The following ARMC9 variants were observed in gnomAD, a reference collection of about 807,000 sequenced individuals.
ARMC9 encodes the protein armadillo repeat containing 9.
A neutral mutation model predicts 107.0 loss-of-function variants in ARMC9; 94 were observed. That is an observed-to-expected ratio of 0.88 (90% CI 0.74 to 1.04). The LOEUF is 1.04. Among genes scored for constraint, ARMC9 ranks in the 50% least tolerant of loss-of-function variants. ARMC9 has a pLI of 0.00. For synonymous variants in ARMC9, 380 were observed against 396.9 expected, an observed-to-expected ratio of 0.96 and a Z score of 0.51; for missense variants, 942 against 1,030.1, an observed-to-expected ratio of 0.91 and a Z score of 1.17.
chr2:231,284,284 A>G (rs984317120), intron 17 of ARMC9, among the ~76,000 whole-genome samples: 33 of 152,178 alleles, frequency 2.2e-4, no homozygotes, highest in African/African-American at 7.7e-4. Flanking sequence ...TACACCATCT[A>G]GGTTTGTCAC....
At chr2:231,235,103 T>C (rs967713116) in intron 7 of ARMC9, 121 bp from the exon 8 acceptor site, 1 of 1,056,504 alleles carries the variant, frequency 9.5e-7, no homozygotes, top group African/African-American at 1.6e-5. Context: ...ACAAGTAGTG[T>C]CCAGTTTATT....
intron 9 of ARMC9, among the ~76,000 whole-genome samples, chr2:231,249,553 C>T (rs1322505226): frequency 1.3e-5 from 2 of 151,950 alleles, no homozygotes; most frequent in Non-Finnish European, 2.9e-5. Flanking sequence ...GGAGGCAGGC[C>T]CCAGGTCTTC....
chr2:231,264,716 C>T (rs1559372200), intron 12 of ARMC9, among the ~76,000 whole-genome samples: 1 of 151,760 alleles, frequency 6.6e-6, no homozygotes, highest in Non-Finnish European at 1.5e-5. Context: ...AGGCTGGTCT[C>T]GAACTCCTGA....
Position 231,362,517 on chromosome 2 carries a change from G to A in ARMC9, c.2261+1634G>A, listed in dbSNP as rs76871276. 0.035 allele frequency among the ~76,000 whole-genome samples: 5,272 copies of A among 151,848 alleles called. 115 individuals are homozygous for A. Among genetic ancestry groups the A allele is most frequent in the Non-Finnish European group, 0.047 (3,160 of 67,928 alleles). On this transcript the variant is annotated intron_variant, in intron 23 of 24. Transcript: ENST00000611582. The surrounding 1 kb of genome is among the most constrained non-coding windows in gnomAD (Gnocchi z 4.7). ...TACATCAAGCAGCGTTGCCTAGCTGGCCCCCCAAGATTCTACTGAGCACAA... is the reference window on the plus strand; with the variant it reads ...TACATCAAGCAGCGTTGCCTAGCTGACCCCCCAAGATTCTACTGAGCACAA...
intron 3 of ARMC9, 60 bp from the exon 4 acceptor site, chr2:231,214,771 G>A (rs2033307741): frequency 2.6e-6 from 4 of 1,547,636 alleles, no homozygotes; most frequent in South Asian, 1.2e-5. Context: ...TGAGTGGGTT[G>A]TGAGAATTTT....
intron 3 of ARMC9, among the ~76,000 whole-genome samples, chr2:231,211,748 C>T (rs182585360): frequency 6.6e-6 from 1 of 152,264 alleles, no homozygotes; most frequent in East Asian, 1.9e-4. Flanking sequence ...TTCTCTACAT[C>T]CTTGCCAATG....
Position 231,206,258 on chromosome 2 carries a change from A to C in ARMC9, c.20A>C (p.His7Pro). ...TTCAATATGGGGGACATTCTGGCTC[A>C]TGAATCTGAATTACTTGGACTAGTG... MGDILA[H>P]ESELLGLVKE... is the part of the protein sequence containing the mutation. Residue 7 changes from histidine to proline, a missense_variant, in exon 2 of 25, where the codon CAT becomes CCT. By Grantham distance (77) the His-to-Pro change is moderately conservative. Transcript: ENST00000611582. 1.2e-6 allele frequency: 2 copies of C among 1,613,880 alleles called. No homozygotes were observed. Among genetic ancestry groups the C allele is most frequent in the South Asian group, 2.2e-5 (2 of 91,080 alleles).
rs75739705 is a variant in ARMC9 at position 231,321,947 on chromosome 2, T to A, written c.1774-9846T>A. Among the ~76,000 whole-genome samples, 769 of 152,346 alleles carry A rather than the reference T, an allele frequency of 5.0e-3. 4 individuals carry two copies. The highest frequency in any genetic ancestry group is 8.3e-3 in the Non-Finnish European group (566 of 68,032). ...ACTTTGCCATCATCTCCACATTTCTTGCTGTTTTTGCTTAGAGTACAGAAA... is the reference window on the plus strand; with the variant it reads ...ACTTTGCCATCATCTCCACATTTCTAGCTGTTTTTGCTTAGAGTACAGAAA... On this transcript the variant is annotated intron_variant, in intron 19 of 24. Transcript: ENST00000611582.
Position 231,282,116 on chromosome 2 carries a change from G to A in ARMC9, c.1609G>A (p.Glu537Lys). 6.2e-7 allele frequency: 1 copy of A among 1,614,164 alleles called. No homozygotes were observed. Among genetic ancestry groups the A allele is most frequent in the South Asian group, 1.1e-5 (1 of 91,074 alleles). ...CATCCTTTCTGTTCCATCCATTCGT[G>A]AGGAAGCAAGAGCAATGGTAAGAAA... ...YSILSVPSIR[E>K]EARAMGMEDI... Residue 537 changes from glutamate to lysine, a missense_variant, in exon 17 of 25, where the codon GAG becomes AAG. Coordinates refer to ENST00000611582, the MANE Select transcript of ARMC9 (RefSeq NM_001352754.2).
At chr2:231,245,123 G>C (rs2036636042) in intron 9 of ARMC9, among the ~76,000 whole-genome samples, 1 of 152,224 alleles carries the variant, frequency 6.6e-6, no homozygotes, top group African/African-American at 2.4e-5. Context: ...TTTGAGGCGA[G>C]AGCTGTCCCA....
In ARMC9 at chr2:231,242,562, G is replaced by C. The variant is rs1369954476; in HGVS notation, c.879+2521G>C. On this transcript the variant is annotated intron_variant, in intron 9 of 24. Transcript: ENST00000611582. ...TCCCCGAGAATATGGCTGACCCTCT[G>C]TCCACTGTCCAGTTAACATTCGGAC... Among the ~76,000 whole-genome samples the C allele has an allele frequency of 3.3e-5, 5 of 152,220 alleles. No homozygotes were observed. The East Asian group carries it at 9.6e-4, about 29-fold the overall frequency.
At chr2:231,342,099 G>A (rs2044551616) in intron 20 of ARMC9, among the ~76,000 whole-genome samples, 1 of 152,178 alleles carries the variant, frequency 6.6e-6, no homozygotes, top group African/African-American at 2.4e-5. Context: ...GCAACTGAGG[G>A]GCCCGAGAGT....
At chr2:231,236,327 TTTATC>T (rs1298602777) in intron 8 of ARMC9, among the ~76,000 whole-genome samples, 1 of 152,352 alleles carries the variant, frequency 6.6e-6, no homozygotes, top group East Asian at 1.9e-4. Context: ...GCTTTTAAAA[TTTATC>T]TTAACTTTTT....
At chr2:231,210,947 A>C (rs904175825) in intron 3 of ARMC9, among the ~76,000 whole-genome samples, 1 of 152,110 alleles carries the variant, frequency 6.6e-6, no homozygotes, top group Admixed American at 6.5e-5. Flanking sequence ...CCACTATTCT[A>C]CTTTCTGTCT....
intron 18 of ARMC9, chr2:231,294,039 C>T (rs1425893852): frequency 2.0e-5 from 3 of 152,150 alleles, no homozygotes; most frequent in Non-Finnish European, 4.4e-5. Context: ...TATTGGTTTC[C>T]TTGTTCTATT....
Position 231,273,917 on chromosome 2 carries a change from A to G in ARMC9, c.1334+839A>G, listed in dbSNP as rs556226628. On this transcript the variant is annotated intron_variant, in intron 14 of 24. Coordinates refer to ENST00000611582, the MANE Select transcript of ARMC9 (RefSeq NM_001352754.2). ...ACAGTCACTCCTCATTCCTACCCCCAGTCCCCGGTAGCCACAAATCTGCTT... is the reference window on the plus strand; with the variant it reads ...ACAGTCACTCCTCATTCCTACCCCCGGTCCCCGGTAGCCACAAATCTGCTT... 2.0e-5 allele frequency among the ~76,000 whole-genome samples: 3 copies of G among 152,180 alleles called. No homozygotes were observed. In the East Asian group the frequency reaches 5.8e-4, roughly 29 times the overall value.
Position 231,354,865 on chromosome 2 carries a change from G to A in ARMC9, c.1995-933G>A, listed in dbSNP as rs556456390. ...TGGAGGGCCTTCCTCGGGGATCTGT[G>A]GTCAAGGTTGACCCAATGAGGCTGT... On this transcript the variant is annotated intron_variant, in intron 21 of 24. Coordinates refer to ENST00000611582, the MANE Select transcript of ARMC9 (RefSeq NM_001352754.2). Among the ~76,000 whole-genome samples the A allele has an allele frequency of 2.0e-5, 3 of 152,360 alleles. No homozygotes were observed. In the South Asian group the frequency reaches 6.2e-4, roughly 32 times the overall value.
At chr2:231,273,187 G>T (rs2039488682) in intron 14 of ARMC9, 109 bp downstream of exon 14, 58 of 1,427,814 alleles carry the variant, frequency 4.1e-5, no homozygotes, top group Non-Finnish European at 4.7e-5. Context: ...CTTTGGAGAG[G>T]TTGGATGACT....
At position 231,225,580 on chromosome 2, in the gene ARMC9, T is replaced by C. The variant is rs141391428; in HGVS notation, c.598-1194T>C. ...GCACTGATTCATGCTGTAACATGAA[T>C]GATCCTTGAAAGCATTATGCTAACT... On this transcript the variant is annotated intron_variant, in intron 6 of 24. Transcript: ENST00000611582. Among the ~76,000 whole-genome samples, 368 of 152,344 alleles carry C rather than the reference T, an allele frequency of 2.4e-3. 1 individual carries two copies. Among genetic ancestry groups the C allele is most frequent in the African/African-American group, 8.5e-3 (352 of 41,588 alleles).
Sources: gnomAD v4.1 joint callset for allele counts (sites outside exome capture counted in the v4.1 genomes callset) on GRCh38, gnomAD v4.1.1 for gene constraint, Gnocchi (gnomAD v3.1) non-coding constraint, MANE v1.5 for transcripts, NCBI Gene and HGNC (gene_info 2026-07-23, HGNC 2026-07-21) for gene names.